Variants in KAZALD1 observed in about 807,000 individuals in gnomAD.
The protein encoded by KAZALD1 is kazal-type serine protease inhibitor domain-containing protein 1.
In KAZALD1, 31 loss-of-function variants were observed where a neutral mutation model predicts 27.7. That is an observed-to-expected ratio of 1.12 (90% CI 0.84 to 1.51). The LOEUF (loss-of-function observed/expected upper bound fraction) is 1.51, where lower values mean the gene tolerates loss of function less well. Among genes scored for constraint, KAZALD1 ranks in the 40% most tolerant of loss-of-function variants. The probability of loss-of-function intolerance (pLI) is 0.00; values close to 1 mark genes in which losing one functional copy is unlikely to be tolerated. For synonymous variants in KAZALD1, 179 were observed against 182.0 expected (o/e 0.98, Z 0.13); for missense variants, 444 against 408.9 (o/e 1.09, Z -0.74).
rs1939328041 is a variant in KAZALD1 at position 101,066,553 on chromosome 10, G to C, written c.*1633G>C. On this transcript the variant is annotated 3_prime_UTR_variant, in exon 5 of 5. Transcript: ENST00000370200. ...CACAGAAGCAGAATCAGAGGGGTAG[G>C]CGGGGGTGGGGCGTGCTGTTCGGCG... 2.3e-6 allele frequency: 1 copy of C among 443,722 alleles called. No homozygotes were observed. The highest frequency in any genetic ancestry group is 2.0e-5 in the African/African-American group (1 of 49,866). 27.5% of individuals were successfully genotyped at this position (443,722 alleles called of 1,614,324 possible).
Position 101,065,115 on chromosome 10 carries a change from A to AGAG in KAZALD1, c.*196_*198dup. 1.7e-6 allele frequency: 1 copy of AGAG among 581,556 alleles called. No homozygotes were observed. Among genetic ancestry groups the AGAG allele is most frequent in the Non-Finnish European group, 3.1e-6 (1 of 325,514 alleles). The allele number at this position is 581,556 out of a possible 1,614,324, so 36.0% of individuals were successfully genotyped here. A position where few individuals can be genotyped will look rare whatever the true frequency, so the allele number is the denominator to read the frequency against. ...AGACAAAAGCTGGAGGAGGGTAGGG[A>AGAG]GAGAAGCTGAGACCAGGACCGGTGG... On this transcript the variant is annotated 3_prime_UTR_variant, in exon 5 of 5. Transcript: ENST00000370200.
In KAZALD1 at chr10:101,063,052, G is replaced by A. The variant is rs780548282; in HGVS notation, c.460G>A (p.Ala154Thr). The A allele has an allele frequency of 6.9e-6, 11 of 1,583,134 alleles. No individual in the cohort carries two copies. The highest frequency in any genetic ancestry group is 1.7e-5 in the Admixed American group (1 of 59,150). The change falls in exon 2 of 5, where the codon GCT (alanine) becomes ACT (threonine). Residue 154 changes from alanine (A) to threonine (T), a missense_variant. Coordinates refer to ENST00000370200, the MANE Select transcript of KAZALD1 (RefSeq NM_030929.5). ...CTGCCGCCTGCAGGAGGCGGCCCGCGCTCGGCCCGATGCCAACCTCACTGT... is the reference window on the plus strand; with the variant it reads ...CTGCCGCCTGCAGGAGGCGGCCCGCACTCGGCCCGATGCCAACCTCACTGT... ...QICRLQEAAR[A>T]RPDANLTVAH...
chr10:101,064,708 G>T, intron 4 of KAZALD1, 60 bp downstream of exon 4: 1 of 1,609,882 alleles, frequency 6.2e-7, no homozygotes, highest in Non-Finnish European at 8.5e-7. Flanking sequence ...AGTTGTGAAT[G>T]TGTAAGAAAC....
Position 101,064,508 on chromosome 10 carries a change from G to T in KAZALD1, c.680G>T (p.Gly227Val). ...TTCCTTGCCTGGCTCCAGTTTAGGG[G>T]TGGACCCCAGAGGTTTGAGGTGACT... ...DDPHISVQFRGGPQRFEVTGW... is the reference protein window; with the variant it reads ...DDPHISVQFRVGPQRFEVTGW... The change falls in exon 4 of 5, where the codon GGT becomes GTT. Residue 227 changes from glycine to valine, a missense_variant. Gly to Val is a moderately radical substitution (Grantham distance 109). Coordinates refer to ENST00000370200, the MANE Select transcript of KAZALD1 (RefSeq NM_030929.5). The T allele has an allele frequency of 1.2e-6, 2 of 1,614,166 alleles. No individual in the cohort carries two copies. The highest frequency in any genetic ancestry group is 1.6e-4 in the Middle Eastern group (1 of 6,062).
At chr10:101,068,015 A>C (rs1939370162), downstream of KAZALD1, 1 of 471,756 alleles carries the variant, frequency 2.1e-6, no homozygotes. Flanking sequence ...GAGTACAGGA[A>C]GTAGCGAAGG....
At chr10:101,068,026 A>T (rs767922000), downstream of KAZALD1, 23 of 471,680 alleles carry the variant, frequency 4.9e-5, no homozygotes, top group African/African-American at 1.0e-4. Context: ...GTAGCGAAGG[A>T]GTGCCATCTG....
In KAZALD1 at chr10:101,063,082, C is replaced by T. The variant is rs1939211700; in HGVS notation, c.490C>T (p.His164Tyr). 2 of 1,560,360 alleles carry T rather than the reference C, an allele frequency of 1.3e-6. No homozygotes were observed. Among genetic ancestry groups the T allele is most frequent in the South Asian group, 2.3e-5 (2 of 87,160 alleles). The part of the protein sequence containing the change: ...ARPDANLTVA[H>Y]PGPCESGPQI... ...GCCCGATGCCAACCTCACTGTGGCA[C>T]ACCCGGGGCCCTGCGAATCGGGTAC... Residue 164 changes from histidine to tyrosine, a missense_variant, in exon 2 of 5, where the codon CAC (histidine) becomes TAC (tyrosine). Physicochemically the swap from His to Tyr is moderately conservative, Grantham distance 83 (BLOSUM62 2). Coordinates refer to ENST00000370200, the MANE Select transcript of KAZALD1 (RefSeq NM_030929.5).
Position 101,063,117 on chromosome 10 carries a change from G to A in KAZALD1, c.511+14G>A, listed in dbSNP as rs1939213556. Reference sequence around the variant, plus strand: ...CCTGCGAATCGGGTACGCATGGCCCGGGGCCCCCACCCCAGCACTTAGGTT... The same window carrying A: ...CCTGCGAATCGGGTACGCATGGCCCAGGGCCCCCACCCCAGCACTTAGGTT... On this transcript the variant is annotated intron_variant, in intron 2 of 4. Coordinates refer to ENST00000370200, the MANE Select transcript of KAZALD1 (RefSeq NM_030929.5). 5.3e-6 allele frequency: 8 copies of A among 1,522,192 alleles called. No homozygotes were observed. Among genetic ancestry groups the A allele is most frequent in the Non-Finnish European group, 6.2e-6 (7 of 1,138,156 alleles). The allele number at this position is 1,522,192 out of a possible 1,614,324, so 94.3% of individuals were successfully genotyped here.
At chr10:101,062,194 C>G (rs1358028191) in intron 1 of KAZALD1, 79 bp downstream of exon 1, 1 of 231,774 alleles carries the variant, frequency 4.3e-6, no homozygotes, top group Non-Finnish European at 8.4e-6. Context: ...CAGCTTCTTA[C>G]TTCTGGAGCC....
Position 101,062,820 on chromosome 10 carries a change from C to A in KAZALD1, c.228C>A (p.Cys76Ter), listed in dbSNP as rs767170507. ...TGGCGGGCAGGGTGCGCGACGCGTG[C>A]GGCTGCTGCTGGGAATGCGCCAACC... is the stretch of plus-strand genomic sequence containing the variant. ...GCLAGRVRDA[C>*]GCCWECANLE... Residue 76 changes from cysteine to a stop codon, truncating the protein, a stop_gained, in exon 2 of 5, where the codon TGC becomes TGA. Coordinates refer to ENST00000370200, the MANE Select transcript of KAZALD1 (RefSeq NM_030929.5). LOFTEE classifies it high-confidence loss of function. 6.3e-7 allele frequency: 1 copy of A among 1,585,366 alleles called. No individual in the cohort carries two copies. The highest frequency in any genetic ancestry group is 8.5e-7 in the Non-Finnish European group (1 of 1,172,100).
At chr10:101,064,739 C>A in intron 4 of KAZALD1, 87 bp from the exon 5 acceptor site, 1 of 1,600,436 alleles carries the variant, frequency 6.2e-7, no homozygotes, top group Admixed American at 1.7e-5. Flanking sequence ...TCTGTATACA[C>A]AAGCATAGCC....
In KAZALD1 at chr10:101,066,719, C is replaced by G. The variant is rs61871530; in HGVS notation, c.*1799C>G. The stretch of plus-strand genomic sequence containing the variant: ...TGCGGGCCCATAGCTCCTACCGCGT[C>G]CACCTGCAGAGCAGAGGCTCCTCAC... On this transcript the variant is annotated 3_prime_UTR_variant, in exon 5 of 5. Transcript: ENST00000370200. The G allele has an allele frequency of 0.041, 14,346 of 351,086 alleles. 416 individuals carry two copies. Among genetic ancestry groups the G allele is most frequent in the Non-Finnish European group, 0.06 (10,517 of 176,700 alleles). 21.7% of individuals were successfully genotyped at this position (351,086 alleles called of 1,614,324 possible).
rs758086714 is a variant in KAZALD1, at chr10:101,064,797, C to T, written c.821-29C>T. ...GCACCGACAGCCCCTCTCTCCTGTT[C>T]TCTCTTCTTTGCCCATGTGTGTTTG... is the stretch of plus-strand genomic sequence containing the variant. On this transcript the variant is annotated intron_variant, in intron 4 of 4. Coordinates refer to ENST00000370200, the MANE Select transcript of KAZALD1 (RefSeq NM_030929.5). 5 of 1,609,942 alleles carry T rather than the reference C, an allele frequency of 3.1e-6. No individual in the cohort carries two copies. The Admixed American group carries it at 8.3e-5, about 27-fold the overall frequency.
Position 101,065,044 on chromosome 10 carries a change from T to C in KAZALD1, c.*124T>C. The C allele has an allele frequency of 1.5e-6, 1 of 685,484 alleles. No individual in the cohort carries two copies. The highest frequency in any genetic ancestry group is 2.6e-6 in the Non-Finnish European group (1 of 389,326). 42.5% of individuals were successfully genotyped at this position (685,484 alleles called of 1,614,324 possible). A position where few individuals can be genotyped will look rare whatever the true frequency, so the allele number is the denominator to read the frequency against. On this transcript the variant is annotated 3_prime_UTR_variant, in exon 5 of 5. Coordinates refer to ENST00000370200, the MANE Select transcript of KAZALD1 (RefSeq NM_030929.5). ...GCTTTCATGCTGTCAGTAGGGATGATCATGGGAGGCCTATTTGACTCCAAG... is the reference window on the plus strand; with the variant it reads ...GCTTTCATGCTGTCAGTAGGGATGACCATGGGAGGCCTATTTGACTCCAAG...
rs1939322278 is a variant in KAZALD1 at position 101,066,440 on chromosome 10, G to A, written c.*1520G>A. The A allele has an allele frequency of 2.2e-6, 1 of 456,600 alleles. No homozygotes were observed. Among genetic ancestry groups the A allele is most frequent in the African/African-American group, 2.0e-5 (1 of 50,094 alleles). The allele number at this position is 456,600 out of a possible 1,614,324, so 28.3% of individuals were successfully genotyped here. On this transcript the variant is annotated 3_prime_UTR_variant, in exon 5 of 5. Coordinates refer to ENST00000370200, the MANE Select transcript of KAZALD1 (RefSeq NM_030929.5). ...CCTTAAGCCAGCGACAGTTTTTATT[G>A]CCGAACCCAGGCTGGAAGCGGGCGG...
intron 2 of KAZALD1, 141 bp downstream of exon 2, chr10:101,063,244 C>T (rs1939218088): frequency 1.4e-6 from 1 of 692,994 alleles, no homozygotes; most frequent in Non-Finnish European, 2.2e-6. Context: ...TAAAACCCTG[C>T]TCTCGCTACT....
In KAZALD1 at chr10:101,062,845, C is replaced by T. The variant is rs1432537037; in HGVS notation, c.253C>T (p.Leu85Phe). Residue 85 changes from leucine to phenylalanine, a missense_variant, in exon 2 of 5, where the codon CTC (leucine) becomes TTC (phenylalanine). Physicochemically the swap from Leu to Phe is conservative, Grantham distance 22. Transcript: ENST00000370200. ...CGGCTGCTGCTGGGAATGCGCCAAC[C>T]TCGAGGGCCAGCTCTGCGACCTGGA... ...ACGCCWECAN[L>F]EGQLCDLDPS... The T allele has an allele frequency of 3.1e-6, 5 of 1,595,044 alleles. No individual in the cohort carries two copies. Among genetic ancestry groups the T allele is most frequent in the Non-Finnish European group, 4.3e-6 (5 of 1,176,242 alleles).
rs1939328683 is a variant in KAZALD1 at position 101,066,564 on chromosome 10, G to A, written c.*1644G>A. 1 of 445,238 alleles carries A rather than the reference G, an allele frequency of 2.2e-6. No homozygotes were observed. The highest frequency in any genetic ancestry group is 1.6e-5 in the South Asian group (1 of 64,126). The allele number at this position is 445,238 out of a possible 1,614,324, so 27.6% of individuals were successfully genotyped here. A position where few individuals can be genotyped will look rare whatever the true frequency, so the allele number is the denominator to read the frequency against. On this transcript the variant is annotated 3_prime_UTR_variant, in exon 5 of 5. Coordinates refer to ENST00000370200, the MANE Select transcript of KAZALD1 (RefSeq NM_030929.5). Reference sequence around the variant, plus strand: ...AATCAGAGGGGTAGGCGGGGGTGGGGCGTGCTGTTCGGCGCTGTGGCCAAA... The same window carrying A: ...AATCAGAGGGGTAGGCGGGGGTGGGACGTGCTGTTCGGCGCTGTGGCCAAA...
intron 2 of KAZALD1, 56 bp downstream of exon 2, chr10:101,063,159 C>T: frequency 7.1e-7 from 1 of 1,409,074 alleles, no homozygotes; most frequent in Non-Finnish European, 9.4e-7. Flanking sequence ...AGGCACTGCT[C>T]CCCGACCCCT....
Sources: allele counts gnomAD v4.1 joint callset, GRCh38; gene constraint gnomAD v4.1.1; transcripts MANE v1.5; gene names NCBI Gene and HGNC (gene_info 2026-07-23, HGNC 2026-07-21).